ARK2N: variants seen among roughly 807,000 people sequenced by gnomAD.
The protein encoded by ARK2N is protein ARK2N.
chr18:46,203,168 G>C, the ARK2N span, among the ~76,000 whole-genome samples: 1 of 152,156 alleles, frequency 6.6e-6, no homozygotes, highest in Admixed American at 6.6e-5. Context: ...ATGTGCAAAC[G>C]TGCACAAGAA....
At chr18:46,182,036 C>T in the ARK2N span, among the ~76,000 whole-genome samples, 1 of 152,128 alleles carries the variant, frequency 6.6e-6, no homozygotes, top group East Asian at 1.9e-4. Flanking sequence ...TGTCTGGAGT[C>T]TGCATTTTGT....
the ARK2N span, among the ~76,000 whole-genome samples, chr18:46,190,949 G>A: frequency 1.3e-5 from 2 of 152,320 alleles, no homozygotes; most frequent in Non-Finnish European, 2.9e-5. Context: ...TAAAGCAAAA[G>A]TGAGATTTAA....
the ARK2N span, among the ~76,000 whole-genome samples, chr18:46,234,540 G>A: frequency 6.6e-6 from 1 of 150,564 alleles, no homozygotes; most frequent in Admixed American, 6.6e-5. Flanking sequence ...ATATTCTGAT[G>A]TGTAATAAAA....
At chr18:46,175,245 T>C in the ARK2N span, among the ~76,000 whole-genome samples, 4 of 152,138 alleles carry the variant, frequency 2.6e-5, no homozygotes, top group African/African-American at 9.7e-5. Flanking sequence ...TTTCGTTTTT[T>C]GCCTGACCTT....
the ARK2N span, among the ~76,000 whole-genome samples, chr18:46,231,603 C>A: frequency 7.6e-6 from 1 of 132,156 alleles, no homozygotes; most frequent in Non-Finnish European, 1.6e-5. Context: ...ATCTCACTAG[C>A]AGACCGAATA....
the ARK2N span, among the ~76,000 whole-genome samples, chr18:46,211,285 G>A: frequency 6.6e-6 from 1 of 152,082 alleles, no homozygotes; most frequent in African/African-American, 2.4e-5. Context: ...CACGGCTCAT[G>A]ACAGCCCTGA....
At chr18:46,221,371 C>G in the ARK2N span, among the ~76,000 whole-genome samples, 1 of 150,302 alleles carries the variant, frequency 6.7e-6, no homozygotes, top group Non-Finnish European at 1.5e-5. Flanking sequence ...CATGGTGAAA[C>G]CCCATCTCTA....
chr18:46,198,444 A>C, the ARK2N span, among the ~76,000 whole-genome samples: 1 of 152,160 alleles, frequency 6.6e-6, no homozygotes, highest in Non-Finnish European at 1.5e-5. Context: ...ATATTATAAA[A>C]AGTTCATTCT....
At chr18:46,261,757 A>G in the ARK2N span, among the ~76,000 whole-genome samples, 1 of 152,124 alleles carries the variant, frequency 6.6e-6, no homozygotes, top group African/African-American at 2.4e-5. Context: ...TCTGGCCCTG[A>G]GAGATCTGTT....
the ARK2N span, among the ~76,000 whole-genome samples, chr18:46,237,604 G>A: frequency 1.3e-5 from 2 of 152,228 alleles, no homozygotes; most frequent in South Asian, 4.2e-4. Context: ...GGCCAGGCTG[G>A]TCTCAAACTC....
At chr18:46,259,000 C>T in the ARK2N span, among the ~76,000 whole-genome samples, 1 of 151,876 alleles carries the variant, frequency 6.6e-6, no homozygotes, top group Admixed American at 6.6e-5. Flanking sequence ...ACTAGATTGA[C>T]TGTTTTTTCC....
chr18:46,204,291 A>G, the ARK2N span, among the ~76,000 whole-genome samples: 1 of 152,182 alleles, frequency 6.6e-6, no homozygotes, highest in Non-Finnish European at 1.5e-5. Context: ...TAAATAGCAT[A>G]AGGTTTCCTG....
the ARK2N span, among the ~76,000 whole-genome samples, chr18:46,233,559 A>G: frequency 3.3e-5 from 5 of 152,170 alleles, no homozygotes; most frequent in African/African-American, 1.2e-4. Flanking sequence ...ATAACTTTAT[A>G]GTTAGTGGTG....
the ARK2N span, among the ~76,000 whole-genome samples, chr18:46,258,578 A>T: frequency 6.6e-6 from 1 of 152,168 alleles, no homozygotes; most frequent in Non-Finnish European, 1.5e-5. Flanking sequence ...GGGAAGCAAG[A>T]CCCAAGCATT....
the ARK2N span, among the ~76,000 whole-genome samples, chr18:46,175,930 T>C: frequency 1.3e-5 from 2 of 152,250 alleles, no homozygotes; most frequent in African/African-American, 2.4e-5. Flanking sequence ...TTGTTACTTA[T>C]TCACTTTATA....
chr18:46,264,880 C>T, the ARK2N span: 1 of 152,022 alleles, frequency 6.6e-6, no homozygotes, highest in Non-Finnish European at 1.5e-5. Context: ...GATCTGGCCT[C>T]TGTCCTTCAT....
chr18:46,230,607 C>T, the ARK2N span, among the ~76,000 whole-genome samples: 1 of 152,180 alleles, frequency 6.6e-6, no homozygotes, highest in African/African-American at 2.4e-5. Flanking sequence ...ACTATTGTAT[C>T]TCTCTAATAT....
chr18:46,245,659 AT>A, the ARK2N span, among the ~76,000 whole-genome samples: 530 of 150,482 alleles, frequency 3.5e-3, 1 homozygote, highest in African/African-American at 0.012. Flanking sequence ...TTATTTTTTT[AT>A]TTTTTTTATG....
chr18:46,241,807 GTTAT>G, the ARK2N span, among the ~76,000 whole-genome samples: 11 of 151,884 alleles, frequency 7.2e-5, no homozygotes, highest in East Asian at 1.9e-4. Context: ...GTGTTTCTAA[GTTAT>G]TTATTTATTT....
Sources: gnomAD v4.1 joint callset for allele counts (sites outside exome capture counted in the v4.1 genomes callset) on GRCh38, gnomAD v4.1.1 for gene constraint, MANE v1.5 for transcripts, NCBI Gene and HGNC (gene_info 2026-07-23, HGNC 2026-07-21) for gene names.